ANKRD52: variants seen among roughly 807,000 people sequenced by gnomAD.
ANKRD52 encodes the protein ankyrin repeat domain 52.
A neutral mutation model predicts 116.0 loss-of-function variants in ANKRD52; 7 were observed. The ratio of observed to expected loss-of-function variants is 0.06; its 90% CI spans 0.03 to 0.11. The LOEUF is 0.11. ANKRD52 is among the 10% of genes least tolerant of loss of function. The pLI is 1.00. For missense variants in ANKRD52, 839 were observed against 1,408.6 expected, an observed-to-expected ratio of 0.60 and a Z score of 6.47; for synonymous variants, 528 against 578.1, an observed-to-expected ratio of 0.91 and a Z score of 1.24.
chr12:56,243,881 GA>G lies in ANKRD52; in HGVS notation c.2889-6del. ...CGGGCAGCAATGTGGAGTGGCCTTGGAAAAAAGGAAAAAGAAGGAGCTTGAT... is the reference window on the plus strand; with the variant it reads ...CGGGCAGCAATGTGGAGTGGCCTTGGAAAAAGGAAAAAGAAGGAGCTTGAT... On this transcript the variant is annotated splice_polypyrimidine_tract_variant and splice_region_variant and intron_variant, in intron 26 of 27. Transcript: ENST00000267116. The surrounding 1 kb of genome is among the most constrained non-coding windows in gnomAD (Gnocchi z 4.6). The G allele has an allele frequency of 6.4e-7, 1 of 1,566,914 alleles. No homozygotes were observed. Among genetic ancestry groups the G allele is most frequent in the South Asian group, 1.2e-5 (1 of 85,638 alleles).
At chr12:56,246,257 T>C (rs1417050491) in intron 20 of ANKRD52, among the ~76,000 whole-genome samples, 7 of 151,644 alleles carry the variant, frequency 4.6e-5, no homozygotes, top group African/African-American at 1.7e-4. Context: ...CTCAAACTCC[T>C]GACTTCAGGT....
rs968246042 is a variant in ANKRD52, at chr12:56,243,536, G to T, written c.2981-144C>A. On this transcript the variant is annotated intron_variant, in intron 27 of 27. Transcript: ENST00000267116. This position sits in a 1 kb window ranked among gnomAD's most constrained non-coding sequence, Gnocchi z 4.6. ...AGAATCCAAGGGTGACGAGGGCCCA[G>T]GAAGGCTGACAGGCAGATTCTCTAA... The T allele has an allele frequency of 2.4e-5, 31 of 1,282,974 alleles. No homozygotes were observed. In the Middle Eastern group the frequency reaches 7.7e-4, roughly 32 times the overall value. 79.5% of individuals were successfully genotyped at this position (1,282,974 alleles called of 1,614,324 possible).
rs187516341 is a variant in ANKRD52, at chr12:56,241,688, G to A, written c.*1454C>T. ...TCTTGGCCCCTGGCTGAGGTATTGA[G>A]TGTGAGGAAGGGAACACTGGGCTGC... is the stretch of plus-strand genomic sequence containing the variant. On this transcript the variant is annotated 3_prime_UTR_variant, in exon 28 of 28. Coordinates refer to ENST00000267116, the MANE Select transcript of ANKRD52 (RefSeq NM_173595.4). 58 of 298,710 alleles carry A rather than the reference G, an allele frequency of 1.9e-4. No individual in the cohort carries two copies. In the Admixed American group the frequency reaches 2.3e-3, roughly 12 times the overall value. 18.5% of individuals were successfully genotyped at this position (298,710 alleles called of 1,614,324 possible).
Position 56,241,828 on chromosome 12 carries a change from C to G in ANKRD52, c.*1314G>C, listed in dbSNP as rs1438512154. 2 of 396,962 alleles carry G rather than the reference C, an allele frequency of 5.0e-6. No individual in the cohort carries two copies. Among genetic ancestry groups the G allele is most frequent in the East Asian group, 7.1e-5 (2 of 28,038 alleles). The allele number at this position is 396,962 out of a possible 1,614,324, so 24.6% of individuals were successfully genotyped here. ...TAGAGAGAAAACTGCCCCCTCTTCA[C>G]TCCAGCCCAGTTTGGCTTTTGGGGT... On this transcript the variant is annotated 3_prime_UTR_variant, in exon 28 of 28. Transcript: ENST00000267116.
intron 15 of ANKRD52, among the ~76,000 whole-genome samples, chr12:56,251,205 T>G (rs768759527): frequency 3.3e-5 from 5 of 151,766 alleles, no homozygotes; most frequent in Non-Finnish European, 5.9e-5. Context: ...CCTCCCAAAG[T>G]GCTGGGATTA....
Position 56,253,249 on chromosome 12 carries a change from T to C in ANKRD52, c.1100+39A>G. ...GGTTGATGTGAGCAGTCTGTGCAGA[T>C]CTGGGCAGCCCAGAAGTGGAGTCGG... On this transcript the variant is annotated intron_variant, in intron 10 of 27. Coordinates refer to ENST00000267116, the MANE Select transcript of ANKRD52 (RefSeq NM_173595.4). The surrounding 1 kb of genome is among the most constrained non-coding windows in gnomAD (Gnocchi z 5.5). The C allele has an allele frequency of 6.3e-7, 1 of 1,579,522 alleles. No homozygotes were observed. Among genetic ancestry groups the C allele is most frequent in the Non-Finnish European group, 8.7e-7 (1 of 1,151,708 alleles).
rs1002889836 is a variant in ANKRD52 at position 56,243,849 on chromosome 12, A to T, written c.2916T>A (p.Gly972=). The change falls in exon 27 of 28, where the codon GGT becomes GGA. Residue 972 remains glycine (G), a synonymous_variant. Coordinates refer to ENST00000267116, the MANE Select transcript of ANKRD52 (RefSeq NM_173595.4). This position sits in a 1 kb window ranked among gnomAD's most constrained non-coding sequence, Gnocchi z 4.6. ...GCAGGGCCTGTACCACAGAAGCTAG[A>T]CCATTCCGGGCAGCAATGTGGAGTG... ...QMPLHIAARN[G]LASVVQALLS... The T allele has an allele frequency of 6.4e-7, 1 of 1,566,618 alleles. No homozygotes were observed. Among genetic ancestry groups the T allele is most frequent in the Non-Finnish European group, 8.7e-7 (1 of 1,155,326 alleles).
rs1871852495 is a variant in ANKRD52 at position 56,254,515 on chromosome 12, TA to T, written c.693+62del. The T allele has an allele frequency of 6.3e-7, 1 of 1,588,840 alleles. No homozygotes were observed. ...AACATCCCAATACCTCATATCTCCGTAACAGACTATAATCTCCTACTTGCTG... is the reference window on the plus strand; with the variant it reads ...AACATCCCAATACCTCATATCTCCGTACAGACTATAATCTCCTACTTGCTG... On this transcript the variant is annotated intron_variant, in intron 7 of 27. Transcript: ENST00000267116. This position sits in a 1 kb window ranked among gnomAD's most constrained non-coding sequence, Gnocchi z 4.6.
chr12:56,244,140 G>C lies in ANKRD52; in HGVS notation c.2806-7C>G, dbSNP rs1053093918. 2 of 1,613,712 alleles carry C rather than the reference G, an allele frequency of 1.2e-6. No homozygotes were observed. The highest frequency in any genetic ancestry group is 1.7e-6 in the Non-Finnish European group (2 of 1,179,750). ...GGGCACATTTCTCATGGCCCTGAGGGAGGGGAACAGAGAGTGGAGACTTGT... is the reference window on the plus strand; with the variant it reads ...GGGCACATTTCTCATGGCCCTGAGGCAGGGGAACAGAGAGTGGAGACTTGT... On this transcript the variant is annotated splice_region_variant and splice_polypyrimidine_tract_variant and intron_variant, in intron 25 of 27. Transcript: ENST00000267116. The surrounding 1 kb of genome is among the most constrained non-coding windows in gnomAD (Gnocchi z 4.9).
rs895009371 is a variant in ANKRD52 at position 56,241,863 on chromosome 12, G to C, written c.*1279C>G. On this transcript the variant is annotated 3_prime_UTR_variant, in exon 28 of 28. Coordinates refer to ENST00000267116, the MANE Select transcript of ANKRD52 (RefSeq NM_173595.4). Reference sequence around the variant, plus strand: ...GTTTGGCTTTTGGGGTGCGACTTTAGAAATCTTATCAGTGCAGCCCCCAGC... The same window carrying C: ...GTTTGGCTTTTGGGGTGCGACTTTACAAATCTTATCAGTGCAGCCCCCAGC... 1.5e-5 allele frequency: 6 copies of C among 397,546 alleles called. No individual in the cohort carries two copies. Among genetic ancestry groups the C allele is most frequent in the Non-Finnish European group, 2.2e-5 (5 of 226,000 alleles). The allele number at this position is 397,546 out of a possible 1,614,324, so 24.6% of individuals were successfully genotyped here.
At position 56,248,132 on chromosome 12, in the gene ANKRD52, G is replaced by A. The variant is rs1871506843; in HGVS notation, c.1869C>T (p.Phe623=). The change falls in exon 18 of 28, where the codon TTC becomes TTT. Residue 623 remains phenylalanine, a synonymous_variant. Transcript: ENST00000267116. This position sits in a 1 kb window ranked among gnomAD's most constrained non-coding sequence, Gnocchi z 5.1. ...CAGTAGAGCCGCGCTCCGTGGCCAG[G>A]AAGAGTGCGGTCCGGCCCTTGTGGT... ...VRDHKGRTAL[F]LATERGSTEC... 7.4e-6 allele frequency: 12 copies of A among 1,613,786 alleles called. No homozygotes were observed. The highest frequency in any genetic ancestry group is 1.0e-5 in the Non-Finnish European group (12 of 1,179,916).
chr12:56,243,989 G>A lies in ANKRD52; in HGVS notation c.2888+62C>T, dbSNP rs1025990126. 1.2e-5 allele frequency: 20 copies of A among 1,605,208 alleles called. No homozygotes were observed. The highest frequency in any genetic ancestry group is 5.0e-5 in the Admixed American group (3 of 59,950). On this transcript the variant is annotated intron_variant, in intron 26 of 27. Transcript: ENST00000267116. This position sits in a 1 kb window ranked among gnomAD's most constrained non-coding sequence, Gnocchi z 4.6. ...GGGCTCCAGAGAGCCTCTGAACAGCGGCCACTCTTTCATCACCCACTGGCC... is the reference window on the plus strand; with the variant it reads ...GGGCTCCAGAGAGCCTCTGAACAGCAGCCACTCTTTCATCACCCACTGGCC...
chr12:56,243,279 A>C lies in ANKRD52; in HGVS notation c.3094T>G (p.Phe1032Val). 1 of 1,614,016 alleles carries C rather than the reference A, an allele frequency of 6.2e-7. No individual in the cohort carries two copies. Among genetic ancestry groups the C allele is most frequent in the Non-Finnish European group, 8.5e-7 (1 of 1,179,888 alleles). Reference protein sequence around the residue: ...PPKDAVSPFSFSLLKNCSIAA... With the variant: ...PPKDAVSPFSVSLLKNCSIAA... ...ATGCTGCAGTTCTTGAGCAGGCTGAAGCTGAAAGGACTGACGGCGTCCTTG... is the reference window on the plus strand; with the variant it reads ...ATGCTGCAGTTCTTGAGCAGGCTGACGCTGAAAGGACTGACGGCGTCCTTG... Residue 1032 changes from phenylalanine to valine, a missense_variant, in exon 28 of 28, where the codon TTC (phenylalanine) becomes GTC (valine). By Grantham distance (50) the Phe-to-Val change is conservative (BLOSUM62 -1). Coordinates refer to ENST00000267116, the MANE Select transcript of ANKRD52 (RefSeq NM_173595.4). The surrounding 1 kb of genome is among the most constrained non-coding windows in gnomAD (Gnocchi z 4.6).
At position 56,248,544 on chromosome 12, in the gene ANKRD52, C is replaced by T. The variant is rs780598061; in HGVS notation, c.1727G>A (p.Cys576Tyr). ...LELLLEMSFN[C>Y]LEDVESTIPV... ...AATGGTGCTCTCCACATCCTCCAGGCAGTTAAAGGACATTTCTAAGAGCTG... is the reference window on the plus strand; with the variant it reads ...AATGGTGCTCTCCACATCCTCCAGGTAGTTAAAGGACATTTCTAAGAGCTG... Residue 576 changes from cysteine (C) to tyrosine (Y), a missense_variant, in exon 17 of 28, where the codon TGC becomes TAC. Around this residue, in one of 2 missense-constraint regions of ANKRD52, gnomAD observed 552 missense variants for 810.6 expected, o/e 0.68. Coordinates refer to ENST00000267116, the MANE Select transcript of ANKRD52 (RefSeq NM_173595.4). The surrounding 1 kb of genome is among the most constrained non-coding windows in gnomAD (Gnocchi z 5.1). The T allele has an allele frequency of 1.3e-6, 2 of 1,595,564 alleles. No homozygotes were observed. The highest frequency in any genetic ancestry group is 3.5e-5 in the Admixed American group (2 of 56,946).
In ANKRD52 at chr12:56,254,122, T is replaced by C. The variant is rs757415546; in HGVS notation, c.851A>G (p.Asn284Ser). The change falls in exon 8 of 28, where the codon AAT becomes AGT. Residue 284 changes from asparagine (N) to serine (S), a missense_variant. By Grantham distance (46) the Asn-to-Ser change is conservative. Transcript: ENST00000267116. The surrounding 1 kb of genome is among the most constrained non-coding windows in gnomAD (Gnocchi z 4.6). ...TPLHVAAVSTNGALCLELLVN... is the reference protein window; with the variant it reads ...TPLHVAAVSTSGALCLELLVN... Reference sequence around the variant, plus strand: ...CAGTAGCTCCAAGCAGAGAGCGCCATTGGTGGAGACTGCAGCCACATGCAG... The same window carrying C: ...CAGTAGCTCCAAGCAGAGAGCGCCACTGGTGGAGACTGCAGCCACATGCAG... The C allele has an allele frequency of 6.8e-6, 11 of 1,613,692 alleles. No homozygotes were observed. The highest frequency in any genetic ancestry group is 1.1e-5 in the South Asian group (1 of 91,084).
Position 56,243,315 on chromosome 12 carries a change from G to C in ANKRD52, c.3058C>G (p.Pro1020Ala). ...CLALILSTMKPFPPKDAVSPF... is the reference protein window; with the variant it reads ...CLALILSTMKAFPPKDAVSPF... The stretch of plus-strand genomic sequence containing the variant: ...CTGACGGCGTCCTTGGGTGGGAAAG[G>C]CTTCATGGTGGAAAGGATCAAGGCC... The change falls in exon 28 of 28, where the codon CCT (proline) becomes GCT (alanine). Residue 1020 changes from proline to alanine, a missense_variant. This residue lies in a region of ANKRD52 where 552 missense variants were observed against 810.6 expected (regional missense o/e 0.68). Transcript: ENST00000267116. The surrounding 1 kb of genome is among the most constrained non-coding windows in gnomAD (Gnocchi z 4.6). 4 of 1,614,018 alleles carry C rather than the reference G, an allele frequency of 2.5e-6. No individual in the cohort carries two copies. Among genetic ancestry groups the C allele is most frequent in the Non-Finnish European group, 3.4e-6 (4 of 1,179,888 alleles).
chr12:56,258,302 CCGGCGG>C lies in ANKRD52; in HGVS notation c.-39_-34del, dbSNP rs751124828. On this transcript the variant is annotated 5_prime_UTR_variant, in exon 1 of 28. Coordinates refer to ENST00000267116, the MANE Select transcript of ANKRD52 (RefSeq NM_173595.4). ...CCCGGGCTCCGTCCGCATCGAGCTC[CCGGCGG>C]CGGCGGCGGCGGCTCCACCGGGGAC... 8.5e-6 allele frequency: 13 copies of C among 1,535,068 alleles called. No individual in the cohort carries two copies. The highest frequency in any genetic ancestry group is 7.2e-5 in the African/African-American group (5 of 69,740).
chr12:56,253,538 TC>T lies in ANKRD52; in HGVS notation c.986-137del. 1.1e-6 allele frequency: 1 copy of T among 940,590 alleles called. No homozygotes were observed. The highest frequency in any genetic ancestry group is 1.6e-6 in the Non-Finnish European group (1 of 611,650). The allele number at this position is 940,590 out of a possible 1,614,324, so 58.3% of individuals were successfully genotyped here. On this transcript the variant is annotated intron_variant, in intron 9 of 27. Transcript: ENST00000267116. The surrounding 1 kb of genome is among the most constrained non-coding windows in gnomAD (Gnocchi z 5.5). ...AGGATTCTACATATTTTATCCTGTTTCTAGGCCTTAGGAGACTGGGCAGGGC... is the reference window on the plus strand; with the variant it reads ...AGGATTCTACATATTTTATCCTGTTTTAGGCCTTAGGAGACTGGGCAGGGC...
At position 56,252,697 on chromosome 12, in the gene ANKRD52, T is replaced by C. The variant is rs143237520; in HGVS notation, c.1301+83A>G. 6 of 1,541,582 alleles carry C rather than the reference T, an allele frequency of 3.9e-6. No individual in the cohort carries two copies. Among genetic ancestry groups the C allele is most frequent in the East Asian group, 4.5e-5 (2 of 44,520 alleles). On this transcript the variant is annotated intron_variant, in intron 12 of 27. Transcript: ENST00000267116. This position sits in a 1 kb window ranked among gnomAD's most constrained non-coding sequence, Gnocchi z 4.7. ...ACTGCTTTCATTGTGAGAGGGGGAA[T>C]AGATCTGGGCAGGCAAGAATGAGGG...
Sources: allele counts gnomAD v4.1 joint callset (sites outside exome capture counted in the v4.1 genomes callset), GRCh38; gene constraint gnomAD v4.1.1; regional missense constraint gnomAD v4.1.1; non-coding constraint Gnocchi (gnomAD v3.1); transcripts MANE v1.5; gene names NCBI Gene and HGNC (gene_info 2026-07-23, HGNC 2026-07-21).